The following AGBL3 variants were observed in gnomAD, a reference collection of about 807,000 sequenced individuals.
AGBL3 encodes cytosolic carboxypeptidase 3.
Under a neutral mutation model 94.5 loss-of-function variants are expected in AGBL3, and 68 were observed. The ratio of observed to expected loss-of-function variants is 0.72; its 90% CI spans 0.59 to 0.88. The LOEUF is 0.88. Among genes scored for constraint, AGBL3 ranks in the 40% least tolerant of loss-of-function variants. AGBL3 has a pLI of 0.00. For synonymous variants in AGBL3, 354 were observed against 370.7 expected, an observed-to-expected ratio of 0.95 and a Z score of 0.52; for missense variants, 934 against 1,103.8, an observed-to-expected ratio of 0.85 and a Z score of 2.18.
chr7:135,044,121 A>G lies in AGBL3; in HGVS notation c.1597A>G (p.Met533Val). The G allele has an allele frequency of 6.4e-7, 1 of 1,550,648 alleles. No individual in the cohort carries two copies. The highest frequency in any genetic ancestry group is 1.2e-5 in the South Asian group (1 of 84,012). ...WKMGIRNSFT[M>V]EATFCGSTLG... ...AATGGGAATCAGGAACAGCTTTACC[A>G]TGGAGGCCACCTTCTGTGGATCTAC... Residue 533 changes from methionine (M) to valine (V), a missense_variant, in exon 9 of 17, where the codon ATG (methionine) becomes GTG (valine). By Grantham distance (21) the Met-to-Val change is conservative. Coordinates refer to ENST00000436302, the MANE Select transcript of AGBL3 (RefSeq NM_178563.4).
intron 16 of AGBL3, among the ~76,000 whole-genome samples, chr7:135,121,766 C>T (rs1295617849): frequency 1.3e-5 from 2 of 151,900 alleles, no homozygotes; most frequent in African/African-American, 4.8e-5. Flanking sequence ...AGAGGAAGAA[C>T]AGTGTAGTGC....
chr7:135,030,574 T>G (rs1722347440), intron 5 of AGBL3, among the ~76,000 whole-genome samples: 1 of 152,184 alleles, frequency 6.6e-6, no homozygotes, highest in Non-Finnish European at 1.5e-5. Context: ...TTATCCTGCT[T>G]GGAGTTTGCT....
rs143881932 is a variant in AGBL3 at position 135,068,251 on chromosome 7, A to G, written c.1909-8146A>G. Among the ~76,000 whole-genome samples the G allele has an allele frequency of 5.5e-3, 836 of 152,354 alleles. 3 individuals carry two copies. The highest frequency in any genetic ancestry group is 9.7e-3 in the Non-Finnish European group (659 of 68,032). ...GGGACTATGTGAAAAGACCAAATCT[A>G]CGTCTGCTTGGTGTACCTGAAAGTG... On this transcript the variant is annotated intron_variant, in intron 12 of 16. Coordinates refer to ENST00000436302, the MANE Select transcript of AGBL3 (RefSeq NM_178563.4).
rs371418591 is a variant in AGBL3 at position 135,034,787 on chromosome 7, T to C, written c.1196T>C (p.Val399Ala). ...CTTCGGGACACTTTTGTCTTCAAGG[T>C]GGTACCCATGCTCAATCCAGATGGT... ...QLLRDTFVFKVVPMLNPDGVI... is the reference protein window; with the variant it reads ...QLLRDTFVFKAVPMLNPDGVI... The change falls in exon 7 of 17, where the codon GTG becomes GCG. Residue 399 changes from valine to alanine, a missense_variant. By Grantham distance (64) the Val-to-Ala change is moderately conservative. Around this residue, in one of 3 missense-constraint regions of AGBL3, gnomAD observed 488 missense variants for 563.6 expected, o/e 0.87. Coordinates refer to ENST00000436302, the MANE Select transcript of AGBL3 (RefSeq NM_178563.4). The C allele has an allele frequency of 9.8e-5, 152 of 1,552,342 alleles. No homozygotes were observed. In the African/African-American group the frequency reaches 1.5e-3, roughly 16 times the overall value.
intron 4 of AGBL3, among the ~76,000 whole-genome samples, chr7:135,006,285 G>C (rs1168910550): frequency 6.6e-6 from 1 of 151,750 alleles, no homozygotes; most frequent in African/African-American, 2.4e-5. Context: ...TCATTGACTA[G>C]AATTATATTG....
chr7:135,080,699 C>G (rs1820839083), intron 14 of AGBL3, among the ~76,000 whole-genome samples: 1 of 149,752 alleles, frequency 6.7e-6, no homozygotes, highest in African/African-American at 2.4e-5. Flanking sequence ...CTACTGCAAC[C>G]TGCTAAGTCT....
At chr7:135,030,122 G>C (rs576454910) in intron 5 of AGBL3, among the ~76,000 whole-genome samples, 110 of 148,864 alleles carry the variant, frequency 7.4e-4, no homozygotes, top group African/African-American at 2.3e-3. Flanking sequence ...GAAAAATGGT[G>C]CTGATAGACT....
At chr7:135,003,264 C>T (rs1254258172) in intron 4 of AGBL3, among the ~76,000 whole-genome samples, 1 of 152,076 alleles carries the variant, frequency 6.6e-6, no homozygotes, top group Non-Finnish European at 1.5e-5. Context: ...TTTCTACCCA[C>T]TTACAATGCC....
intron 15 of AGBL3, among the ~76,000 whole-genome samples, chr7:135,091,800 T>C (rs889823653): frequency 6.6e-6 from 1 of 152,158 alleles, no homozygotes; most frequent in Non-Finnish European, 1.5e-5. Context: ...CTCCCTCTCT[T>C]AAACTAGACT....
At chr7:135,079,666 C>T (rs1307617144) in intron 13 of AGBL3, among the ~76,000 whole-genome samples, 1 of 149,998 alleles carries the variant, frequency 6.7e-6, no homozygotes, top group Non-Finnish European at 1.5e-5. Flanking sequence ...CGGGGTTTCA[C>T]CATGTTGGCC....
At chr7:135,049,833 A>G (rs745698879) in intron 11 of AGBL3, among the ~76,000 whole-genome samples, 1 of 151,530 alleles carries the variant, frequency 6.6e-6, no homozygotes, top group Non-Finnish European at 1.5e-5. Context: ...GAGTTTGTCA[A>G]TTTTGGCTTT....
At chr7:135,082,211 T>C (rs1034766411) in intron 15 of AGBL3, among the ~76,000 whole-genome samples, 2 of 152,214 alleles carry the variant, frequency 1.3e-5, no homozygotes, top group African/African-American at 4.8e-5. Context: ...GTAAATTTCA[T>C]CCACTTCTTT....
At chr7:135,037,270 G>C (rs1816406827) in intron 7 of AGBL3, 148 bp from the exon 8 acceptor site, 1 of 541,614 alleles carries the variant, frequency 1.8e-6, no homozygotes, top group Admixed American at 4.2e-5. Context: ...TTAAAAAATT[G>C]TATATTAATA....
chr7:135,026,419 C>T (rs565501101), intron 5 of AGBL3, among the ~76,000 whole-genome samples: 2 of 151,094 alleles, frequency 1.3e-5, no homozygotes, highest in South Asian at 2.2e-4. Context: ...GGATTACAGG[C>T]GTGCGCTACC....
chr7:135,055,260 G>A (rs958936909), intron 11 of AGBL3, among the ~76,000 whole-genome samples: 3 of 152,128 alleles, frequency 2.0e-5, no homozygotes, highest in African/African-American at 7.2e-5. Flanking sequence ...AACCATAAGT[G>A]CTGAACCATA....
chr7:135,025,693 A>G (rs1815011302), intron 5 of AGBL3, among the ~76,000 whole-genome samples: 1 of 151,534 alleles, frequency 6.6e-6, no homozygotes, highest in Non-Finnish European at 1.5e-5. Context: ...TCTTCAACAG[A>G]CCCGTCTCAT....
intron 8 of AGBL3, among the ~76,000 whole-genome samples, chr7:135,040,592 C>T (rs941350333): frequency 1.8e-4 from 26 of 148,466 alleles, no homozygotes; most frequent in African/African-American, 5.4e-4. Flanking sequence ...AAAAAAAAAA[C>T]TTTCAGCAAA....
At chr7:135,039,138 C>T (rs991011315) in intron 8 of AGBL3, among the ~76,000 whole-genome samples, 1 of 152,152 alleles carries the variant, frequency 6.6e-6, no homozygotes, top group Non-Finnish European at 1.5e-5. Context: ...GCACATGGAA[C>T]ACCACCAACA....
intron 8 of AGBL3, among the ~76,000 whole-genome samples, chr7:135,042,012 A>G (rs547963804): frequency 7.9e-5 from 12 of 152,282 alleles, no homozygotes; most frequent in African/African-American, 2.6e-4. Flanking sequence ...AAATAAAAAT[A>G]CTGACAATCC....
Sources: gnomAD v4.1 joint callset for allele counts (sites outside exome capture counted in the v4.1 genomes callset) on GRCh38, gnomAD v4.1.1 for gene constraint, gnomAD v4.1.1 regional missense constraint, MANE v1.5 for transcripts, NCBI Gene and HGNC (gene_info 2026-07-23, HGNC 2026-07-21) for gene names.